The following REL variants were observed in gnomAD, a reference collection of about 807,000 sequenced individuals.
REL encodes the protein proto-oncogene c-Rel.
In REL, 15 loss-of-function variants were observed where a neutral mutation model predicts 45.9. The observed-to-expected ratio is 0.33, with a 90% confidence interval of 0.22 to 0.50. The LOEUF (loss-of-function observed/expected upper bound fraction) is 0.50. Among genes scored for constraint, REL ranks in the 20% least tolerant of loss-of-function variants. REL has a pLI of 0.98. For missense variants in REL, 601 were observed against 715.2 expected (o/e 0.84, Z 1.82); for synonymous variants, 239 against 242.1 (o/e 0.99, Z 0.12).
Position 60,901,150 on chromosome 2 carries a change from C to CTTTTT in REL, c.394+86_394+90dup, listed in dbSNP as rs10565258. The stretch of plus-strand genomic sequence containing the variant: ...TGATTTCTGTTTCTTTTTTCTTTCT[C>CTTTTT]TTTTTTTTTTTTTTTTTTTTTTTGA... On this transcript the variant is annotated intron_variant, in intron 4 of 9. Transcript: ENST00000394479. The CTTTTT allele has an allele frequency of 1.2e-5, 11 of 915,922 alleles. No homozygotes were observed. The Admixed American group carries it at 3.0e-4, about 25-fold the overall frequency. 56.7% of individuals were successfully genotyped at this position (915,922 alleles called of 1,614,324 possible). A position where few individuals can be genotyped will look rare whatever the true frequency, so the allele number is the denominator to read the frequency against.
At chr2:60,906,616 T>C (rs1050934275) in intron 4 of REL, among the ~76,000 whole-genome samples, 1 of 152,136 alleles carries the variant, frequency 6.6e-6, no homozygotes, top group Middle Eastern at 3.2e-3. Flanking sequence ...AGTGCACACA[T>C]GCACTTACTT....
Position 60,924,318 on chromosome 2 carries a change from T to C in REL, c.*1783T>C. The C allele has an allele frequency of 4.5e-6, 1 of 221,052 alleles. No individual in the cohort carries two copies. The highest frequency in any genetic ancestry group is 9.1e-6 in the Non-Finnish European group (1 of 110,354). The allele number at this position is 221,052 out of a possible 1,614,324, so 13.7% of individuals were successfully genotyped here. A position where few individuals can be genotyped will look rare whatever the true frequency, so the allele number is the denominator to read the frequency against. On this transcript the variant is annotated 3_prime_UTR_variant, in exon 10 of 10. Coordinates refer to ENST00000394479, the MANE Select transcript of REL (RefSeq NM_001291746.2). ...TTTCTAAGGACAGAAATTTTTGTGC[T>C]TTATTGTTGAATCTCCAATTTGTAG... is the stretch of plus-strand genomic sequence containing the variant.
intron 3 of REL, 117 bp from the exon 4 acceptor site, chr2:60,900,875 T>C: frequency 1.2e-6 from 1 of 847,476 alleles, no homozygotes; most frequent in Non-Finnish European, 1.8e-6. Context: ...GGAAGCACGT[T>C]CATGCTTTGG....
In REL at chr2:60,918,187, T is replaced by A. The variant is rs1370844931; in HGVS notation, c.536-4T>A. ...TCATTTTTTTGAAAATCCTTTATAT[T>A]TAGGTGCTCCAAATACTGCAGAATT... On this transcript the variant is annotated splice_polypyrimidine_tract_variant and splice_region_variant and intron_variant, in intron 5 of 9. Transcript: ENST00000394479. 1 of 1,559,792 alleles carries A rather than the reference T, an allele frequency of 6.4e-7. No homozygotes were observed. Among genetic ancestry groups the A allele is most frequent in the Non-Finnish European group, 8.7e-7 (1 of 1,145,486 alleles).
At chr2:60,898,415 G>C (rs188460006) in intron 3 of REL, among the ~76,000 whole-genome samples, 154 of 152,214 alleles carry the variant, frequency 1.0e-3, no homozygotes, top group African/African-American at 3.4e-3. Flanking sequence ...CCTTCCTTTA[G>C]TTTCCTCTGT....
intron 1 of REL, among the ~76,000 whole-genome samples, chr2:60,887,442 A>G (rs1414950095): frequency 6.6e-6 from 1 of 152,110 alleles, no homozygotes; most frequent in Non-Finnish European, 1.5e-5. Context: ...TTCATTCAAT[A>G]GATGTTTAAT....
chr2:60,915,696 C>G (rs1365836367), intron 4 of REL, among the ~76,000 whole-genome samples: 1 of 152,076 alleles, frequency 6.6e-6, no homozygotes, highest in Non-Finnish European at 1.5e-5. Context: ...ATGTGCATGT[C>G]TTGCTTTTTA....
chr2:60,894,198 T>C (rs368890286), intron 2 of REL, among the ~76,000 whole-genome samples, 199 bp from the exon 3 acceptor site: 9 of 152,266 alleles, frequency 5.9e-5, no homozygotes, highest in African/African-American at 2.2e-4. Context: ...GCAGAAAATA[T>C]GTCAAGAAAC....
At position 60,918,615 on chromosome 2, in the gene REL, T is replaced by C. The variant is rs530121016; in HGVS notation, c.853+9T>C. The C allele has an allele frequency of 3.8e-6, 6 of 1,578,348 alleles. No individual in the cohort carries two copies. In the African/African-American group the frequency reaches 8.1e-5, roughly 21 times the overall value. On this transcript the variant is annotated intron_variant, in intron 7 of 9. Coordinates refer to ENST00000394479, the MANE Select transcript of REL (RefSeq NM_001291746.2). ...TCTGCCAGATGAAAAAGGTATGACA[T>C]TTTGCTGGTAATAATTTATATATTT...
At chr2:60,921,106 A>T (rs1674129269) in intron 9 of REL, among the ~76,000 whole-genome samples, 1 of 152,050 alleles carries the variant, frequency 6.6e-6, no homozygotes, top group African/African-American at 2.4e-5. Flanking sequence ...CAGAAAAAAA[A>T]ATTGCCAATC....
chr2:60,894,357 G>A lies in REL; in HGVS notation c.154-40G>A, dbSNP rs842644. On this transcript the variant is annotated intron_variant, in intron 2 of 9. Transcript: ENST00000394479. ...ATTTAGTAGATCAGTTTATAATGCAGTCTATTTGGATCATGTATTTAATTT... is the reference window on the plus strand; with the variant it reads ...ATTTAGTAGATCAGTTTATAATGCAATCTATTTGGATCATGTATTTAATTT... The A allele has an allele frequency of 0.95, 1,166,547 of 1,233,650 alleles. 551,919 individuals carry two copies. The highest frequency in any genetic ancestry group is 1 in the East Asian group (38,845 of 38,868). 76.4% of individuals were successfully genotyped at this position (1,233,650 alleles called of 1,614,324 possible).
chr2:60,920,555 A>C lies in REL; in HGVS notation c.923-19A>C. On this transcript the variant is annotated intron_variant, in intron 8 of 9. Transcript: ENST00000394479. ...TTTTTCAAATGACATTTAATAATGG[A>C]AAAACTTTATCCTAACAGTTAATTT... 3.2e-6 allele frequency: 5 copies of C among 1,563,482 alleles called. No individual in the cohort carries two copies. The highest frequency in any genetic ancestry group is 4.4e-6 in the Non-Finnish European group (5 of 1,136,922).
intron 2 of REL, among the ~76,000 whole-genome samples, chr2:60,892,708 G>C (rs916776795): frequency 6.6e-6 from 1 of 151,796 alleles, no homozygotes; most frequent in African/African-American, 2.4e-5. Context: ...GGGATTATAG[G>C]CGTGAGCCAC....
chr2:60,884,270 A>AC (rs754242953), intron 1 of REL, among the ~76,000 whole-genome samples: 1 of 152,076 alleles, frequency 6.6e-6, no homozygotes, highest in Non-Finnish European at 1.5e-5. Context: ...TATGTAGTTG[A>AC]ATATGTGATA....
chr2:60,900,823 T>C, intron 3 of REL, 169 bp from the exon 4 acceptor site: 1 of 606,328 alleles, frequency 1.6e-6, no homozygotes, highest in East Asian at 3.5e-5. Flanking sequence ...CGCCCAGCCA[T>C]ATAATCCCAC....
At chr2:60,900,347 AT>A (rs1441004702) in intron 3 of REL, 1 of 152,296 alleles carries the variant, frequency 6.6e-6, no homozygotes. Flanking sequence ...AACAGACTTT[AT>A]TGATTTGATT....
intron 3 of REL, among the ~76,000 whole-genome samples, chr2:60,895,120 A>C (rs962425826): frequency 6.6e-6 from 1 of 151,820 alleles, no homozygotes. Context: ...CGGCCTCCCA[A>C]AGTGCTGGGA....
At chr2:60,920,999 CTTT>C (rs955665257) in intron 9 of REL, among the ~76,000 whole-genome samples, 1 of 144,672 alleles carries the variant, frequency 6.9e-6, no homozygotes, top group African/African-American at 2.5e-5. Flanking sequence ...CTCTAAACTG[CTTT>C]TTTTTTTTAA....
Position 60,881,709 on chromosome 2 carries a change from G to A in REL, c.-132G>A. 1.5e-6 allele frequency: 1 copy of A among 649,918 alleles called. No individual in the cohort carries two copies. Among genetic ancestry groups the A allele is most frequent in the African/African-American group, 1.9e-5 (1 of 51,938 alleles). The allele number at this position is 649,918 out of a possible 1,614,324, so 40.3% of individuals were successfully genotyped here. A position where few individuals can be genotyped will look rare whatever the true frequency, so the allele number is the denominator to read the frequency against. On this transcript the variant is annotated 5_prime_UTR_variant, in exon 1 of 10. Coordinates refer to ENST00000394479, the MANE Select transcript of REL (RefSeq NM_001291746.2). ...CCCAGCGGAGGGCGGGAAGAAGGAG[G>A]AGGCCTCTAGGGTGGTCGGGGGACT...
Sources: gnomAD v4.1 joint callset for allele counts (sites outside exome capture counted in the v4.1 genomes callset) on GRCh38, gnomAD v4.1.1 for gene constraint, MANE v1.5 for transcripts, NCBI Gene and HGNC (gene_info 2026-07-23, HGNC 2026-07-21) for gene names.